The following COL5A2 variants were observed in gnomAD, a reference collection of about 807,000 sequenced individuals.
The protein encoded by COL5A2 is collagen alpha-2(V) chain.
In COL5A2, 23 loss-of-function variants were observed where a neutral mutation model predicts 208.2. The observed-to-expected ratio is 0.11, with a 90% CI of 0.08 to 0.16. The LOEUF (loss-of-function observed/expected upper bound fraction) is 0.16. Among genes scored for constraint, COL5A2 ranks in the 10% least tolerant of loss-of-function variants. COL5A2 has a pLI of 1.00. For synonymous variants in COL5A2, 625 were observed against 628.5 expected (o/e 0.99, Z 0.08); for missense variants, 1,590 against 1,956.4 (o/e 0.81, Z 3.53).
the COL5A2 span, among the ~76,000 whole-genome samples, chr2:189,242,220 C>T: frequency 1.3e-5 from 2 of 152,130 alleles, no homozygotes; most frequent in Non-Finnish European, 2.9e-5. Flanking sequence ...CTTAATTTTC[C>T]TGTCACTGAC....
intron 1 of COL5A2, among the ~76,000 whole-genome samples, chr2:189,130,734 A>G (rs973049571): frequency 2.0e-5 from 3 of 152,036 alleles, no homozygotes; most frequent in African/African-American, 7.2e-5. Flanking sequence ...CAAATGAAAT[A>G]TTAGAGTATA....
the COL5A2 span, among the ~76,000 whole-genome samples, chr2:189,325,475 C>T: frequency 6.6e-6 from 1 of 151,416 alleles, no homozygotes; most frequent in Non-Finnish European, 1.5e-5. Context: ...TATACCTCCC[C>T]AAACAGACAC....
At chr2:189,051,551 C>T (rs1685789855) in intron 41 of COL5A2, 70 bp from the exon 42 acceptor site, 3 of 1,405,658 alleles carry the variant, frequency 2.1e-6, no homozygotes, top group Non-Finnish European at 1.9e-6. Flanking sequence ...TGACATAACG[C>T]TGTCTGCCTC....
rs13419998 is a variant in COL5A2 at position 189,209,657 on chromosome 2, C to T, written c.-42+15491G>A. Among the ~76,000 whole-genome samples, 486 of 152,212 alleles carry T rather than the reference C, an allele frequency of 3.2e-3. 2 individuals are homozygous for T. The highest frequency in any genetic ancestry group is 0.011 in the African/African-American group (458 of 41,520). On this transcript the variant is annotated intron_variant, in intron 1 of 10. Transcript: ENST00000649966. ...TCTTGAGGTACTTCTGAGAAAGAAGCAACAATATTTGGATGCTAATTCAAC... is the reference window on the plus strand; with the variant it reads ...TCTTGAGGTACTTCTGAGAAAGAAGTAACAATATTTGGATGCTAATTCAAC...
chr2:189,391,352 T>C, the COL5A2 span, among the ~76,000 whole-genome samples: 1 of 152,152 alleles, frequency 6.6e-6, no homozygotes, highest in Non-Finnish European at 1.5e-5. Context: ...GTAGTAGGAA[T>C]TACATAAACC....
At chr2:189,260,378 T>G in the COL5A2 span, among the ~76,000 whole-genome samples, 1 of 152,188 alleles carries the variant, frequency 6.6e-6, no homozygotes, top group Non-Finnish European at 1.5e-5. Context: ...GCCCAGTGAC[T>G]GCAGGAGACT....
rs1248082893 is a variant in COL5A2 at position 189,064,707 on chromosome 2, A to G, written c.1618-52T>C. The G allele has an allele frequency of 2.4e-6, 3 of 1,225,718 alleles. No homozygotes were observed. In the South Asian group the frequency reaches 3.6e-5, roughly 15 times the overall value. The allele number at this position is 1,225,718 out of a possible 1,614,324, so 75.9% of individuals were successfully genotyped here. On this transcript the variant is annotated intron_variant, in intron 24 of 53. Transcript: ENST00000374866. Reference sequence around the variant, plus strand: ...AAGAAAAAGAGTATAGAAAAACAAAAGCAAGCAGAAGTAAAATTATCGTTT... The same window carrying G: ...AAGAAAAAGAGTATAGAAAAACAAAGGCAAGCAGAAGTAAAATTATCGTTT...
intron 46 of COL5A2, among the ~76,000 whole-genome samples, chr2:189,045,553 T>A (rs998726752): frequency 2.6e-5 from 4 of 152,238 alleles, no homozygotes; most frequent in Admixed American, 2.6e-4. Context: ...CTTATTACAT[T>A]TTCAAACTAC....
chr2:189,038,438 G>T (rs1320362492), intron 51 of COL5A2, among the ~76,000 whole-genome samples: 1 of 152,092 alleles, frequency 6.6e-6, no homozygotes, highest in African/African-American at 2.4e-5. Flanking sequence ...CCATTGATGG[G>T]CATCTGGGTC....
the COL5A2 span, among the ~76,000 whole-genome samples, chr2:189,384,948 AG>A: frequency 6.6e-6 from 1 of 152,210 alleles, no homozygotes; most frequent in Admixed American, 6.5e-5. Context: ...TCCATCATTT[AG>A]GATAATATTT....
At chr2:189,035,359 CTTA>C (rs1685423746) in intron 52 of COL5A2, among the ~76,000 whole-genome samples, 1 of 152,004 alleles carries the variant, frequency 6.6e-6, no homozygotes. Flanking sequence ...AACCTCTGTC[CTTA>C]TTAACCCAAA....
chr2:189,302,147 A>C, the COL5A2 span, among the ~76,000 whole-genome samples: 1 of 152,176 alleles, frequency 6.6e-6, no homozygotes, highest in African/African-American at 2.4e-5. Context: ...GCAATTAACC[A>C]AATTAGTGTG....
At chr2:189,378,825 T>C in the COL5A2 span, among the ~76,000 whole-genome samples, 3 of 152,216 alleles carry the variant, frequency 2.0e-5, no homozygotes, top group Admixed American at 6.5e-5. Flanking sequence ...TCATTGTAAC[T>C]TTGTATATGA....
At chr2:189,304,955 G>T in the COL5A2 span, among the ~76,000 whole-genome samples, 1 of 152,032 alleles carries the variant, frequency 6.6e-6, no homozygotes, top group Non-Finnish European at 1.5e-5. Context: ...AGTAAGTCAA[G>T]TCAAATAAGG....
At chr2:189,230,182 A>G (rs1025315723), upstream of COL5A2, among the ~76,000 whole-genome samples, 10 of 151,886 alleles carry the variant, frequency 6.6e-5, no homozygotes, top group African/African-American at 2.4e-4. Context: ...CCAAAAATCA[A>G]TGAAAAATTG....
chr2:189,155,962 T>G (rs934192549), intron 1 of COL5A2, among the ~76,000 whole-genome samples: 6 of 151,920 alleles, frequency 3.9e-5, no homozygotes, highest in Non-Finnish European at 8.8e-5. Context: ...ACCAGAAGAG[T>G]GGTATCTTCA....
At chr2:189,281,078 A>C in the COL5A2 span, among the ~76,000 whole-genome samples, 1 of 152,048 alleles carries the variant, frequency 6.6e-6, no homozygotes, top group Non-Finnish European at 1.5e-5. Flanking sequence ...TGTGTGGTTA[A>C]TTTGCATTAT....
the COL5A2 span, among the ~76,000 whole-genome samples, chr2:189,374,173 A>T: frequency 6.6e-6 from 1 of 152,242 alleles, no homozygotes; most frequent in Non-Finnish European, 1.5e-5. Context: ...ATATTATAGT[A>T]GGAAAAATTA....
At chr2:189,301,674 C>T in the COL5A2 span, among the ~76,000 whole-genome samples, 1 of 152,078 alleles carries the variant, frequency 6.6e-6, no homozygotes, top group African/African-American at 2.4e-5. Context: ...TGAACTTCAC[C>T]AGAGATTCAA....
Sources: gnomAD v4.1 joint callset for allele counts (sites outside exome capture counted in the v4.1 genomes callset) on GRCh38, gnomAD v4.1.1 for gene constraint, MANE v1.5 for transcripts, NCBI Gene and HGNC (gene_info 2026-07-23, HGNC 2026-07-21) for gene names.